Variants in WWP1 observed in about 807,000 individuals in gnomAD.
The protein encoded by WWP1 is NEDD4-like E3 ubiquitin-protein ligase WWP1.
Under a neutral mutation model 130.6 loss-of-function variants are expected in WWP1, and 49 were observed. That is an observed-to-expected ratio of 0.38 (90% CI 0.30 to 0.48). WWP1 has a LOEUF of 0.48. Ranked by LOEUF, WWP1 falls within the 20% of genes least tolerant of loss-of-function variation. The pLI, the probability that WWP1 is intolerant of heterozygous loss-of-function variation, is 0.99. For synonymous variants in WWP1, 332 were observed against 367.8 expected (o/e 0.90, Z 1.11); for missense variants, 809 against 1,100.6 (o/e 0.74, Z 3.75).
chr8:86,419,143 G>A (rs1260840855), intron 9 of WWP1, among the ~76,000 whole-genome samples: 5 of 152,170 alleles, frequency 3.3e-5, no homozygotes, highest in Non-Finnish European at 5.9e-5. Flanking sequence ...ACTAGGGCTG[G>A]GCGCGGTGGC....
rs755525898 is a variant in WWP1, at chr8:86,374,012, T to C, written c.-21-18T>C. 6.4e-7 allele frequency: 1 copy of C among 1,561,338 alleles called. No homozygotes were observed. On this transcript the variant is annotated intron_variant, in intron 2 of 24. Transcript: ENST00000517970. ...ACTCTTATCTAACACATGAATAAATTCCCCTTTTTTAAAATAGGTTTTAGC... is the reference window on the plus strand; with the variant it reads ...ACTCTTATCTAACACATGAATAAATCCCCCTTTTTTAAAATAGGTTTTAGC...
intron 5 of WWP1, among the ~76,000 whole-genome samples, chr8:86,391,297 T>C (rs957650657): frequency 6.6e-6 from 1 of 152,238 alleles, no homozygotes; most frequent in African/African-American, 2.4e-5. Flanking sequence ...TGTCTCAGAA[T>C]GTTTGTGGAT....
intron 22 of WWP1, among the ~76,000 whole-genome samples, chr8:86,458,749 C>A (rs7461413): frequency 6.6e-6 from 1 of 151,866 alleles, no homozygotes; most frequent in African/African-American, 2.4e-5. Flanking sequence ...AGTACACTTT[C>A]CAAAAGTTGC....
In WWP1 at chr8:86,411,797, A is replaced by C; in HGVS notation, c.984A>C (p.Lys328Asn). The part of the protein sequence containing the change: ...SRSSSAFEAA[K>N]SRQPDGCMDP... Reference sequence around the variant, plus strand: ...GTAGTTCTGCTTTTGAAGCAGCCAAATCAAGACAGCCAGATGGGTGTATGG... The same window carrying C: ...GTAGTTCTGCTTTTGAAGCAGCCAACTCAAGACAGCCAGATGGGTGTATGG... The change falls in exon 9 of 25, where the codon AAA becomes AAC. Residue 328 changes from lysine (K) to asparagine (N), a missense_variant. Physicochemically the swap from Lys to Asn is moderately conservative, Grantham distance 94. Transcript: ENST00000517970. 6.2e-7 allele frequency: 1 copy of C among 1,614,160 alleles called. No homozygotes were observed. The highest frequency in any genetic ancestry group is 8.5e-7 in the Non-Finnish European group (1 of 1,180,032).
At chr8:86,362,039 T>TATACACAC (rs1823654580) in intron 1 of WWP1, among the ~76,000 whole-genome samples, 1 of 125,480 alleles carries the variant, frequency 8.0e-6, no homozygotes, top group African/African-American at 3.2e-5. Flanking sequence ...TACACACACA[T>TATACACAC]ATATATACAC....
At chr8:86,466,619 A>G (rs1210599845) in intron 24 of WWP1, among the ~76,000 whole-genome samples, 175 bp from the exon 25 acceptor site, 1 of 152,102 alleles carries the variant, frequency 6.6e-6, no homozygotes, top group East Asian at 1.9e-4. Context: ...GGAGATGTTA[A>G]AATAGTTTTT....
chr8:86,411,406 T>C, intron 8 of WWP1, 132 bp from the exon 9 acceptor site: 2 of 680,936 alleles, frequency 2.9e-6, no homozygotes, highest in Non-Finnish European at 4.7e-6. Context: ...AATATTACTT[T>C]GTCTGCTGTT....
chr8:86,429,430 T>C (rs1809814915), intron 11 of WWP1, among the ~76,000 whole-genome samples: 1 of 152,196 alleles, frequency 6.6e-6, no homozygotes, highest in Admixed American at 6.5e-5. Flanking sequence ...TACAAGATTA[T>C]ATTCATCAAG....
chr8:86,446,971 G>T (rs117073018), intron 18 of WWP1, among the ~76,000 whole-genome samples: 60 of 152,284 alleles, frequency 3.9e-4, no homozygotes, highest in South Asian at 8.3e-4. Flanking sequence ...GAAATAGGAA[G>T]TAAGATCATC....
At chr8:86,456,391 C>T (rs1373793024) in intron 21 of WWP1, among the ~76,000 whole-genome samples, 3 of 151,812 alleles carry the variant, frequency 2.0e-5, no homozygotes, top group Admixed American at 6.6e-5. Context: ...AAAAAACTCA[C>T]GTAACTCAAT....
At chr8:86,366,723 C>A (rs532285875) in intron 1 of WWP1, among the ~76,000 whole-genome samples, 41 of 152,084 alleles carry the variant, frequency 2.7e-4, no homozygotes, top group Non-Finnish European at 4.0e-4. Flanking sequence ...CTAGGATTAT[C>A]AAAAATCCCA....
intron 8 of WWP1, among the ~76,000 whole-genome samples, chr8:86,403,640 G>C (rs559815459): frequency 6.6e-6 from 1 of 151,990 alleles, no homozygotes; most frequent in Non-Finnish European, 1.5e-5. Flanking sequence ...TTGGTGTTTG[G>C]GGAGATGTTT....
chr8:86,379,612 T>C (rs1824867185), intron 3 of WWP1, among the ~76,000 whole-genome samples: 1 of 152,192 alleles, frequency 6.6e-6, no homozygotes, highest in African/African-American at 2.4e-5. Flanking sequence ...TAGTCCCTGA[T>C]TTCTTCATAT....
chr8:86,468,501 C>T lies in WWP1; in HGVS notation c.*1608C>T, dbSNP rs72690412. ...GGAAACTGGCCTTCAAAAAGGACTG[C>T]GTATACCATAAAAGAGTTAAGTATT... On this transcript the variant is annotated 3_prime_UTR_variant, in exon 25 of 25. Transcript: ENST00000517970. 0.06 allele frequency: 25,316 copies of T among 420,848 alleles called. 1,074 individuals carry two copies. The highest frequency in any genetic ancestry group is 0.088 in the Non-Finnish European group (18,791 of 214,426). The allele number at this position is 420,848 out of a possible 1,614,324, so 26.1% of individuals were successfully genotyped here. A position where few individuals can be genotyped will look rare whatever the true frequency, so the allele number is the denominator to read the frequency against.
chr8:86,411,262 T>A (rs568809234), intron 8 of WWP1, among the ~76,000 whole-genome samples: 187 of 152,336 alleles, frequency 1.2e-3, no homozygotes, highest in Middle Eastern at 0.01. Flanking sequence ...ACTGGTTATC[T>A]TAATGCTGGT....
intron 3 of WWP1, among the ~76,000 whole-genome samples, chr8:86,377,913 G>A (rs1048226046): frequency 6.6e-6 from 1 of 151,986 alleles, no homozygotes; most frequent in African/African-American, 2.4e-5. Flanking sequence ...ATTTTTGTAT[G>A]AGTGGTGTGA....
intron 8 of WWP1, among the ~76,000 whole-genome samples, chr8:86,404,801 G>C (rs1214235303): frequency 6.6e-6 from 1 of 152,208 alleles, no homozygotes; most frequent in Non-Finnish European, 1.5e-5. Context: ...CTAGGAAGTA[G>C]AAGAACTGTA....
At chr8:86,451,906 T>G (rs1811196878) in intron 20 of WWP1, among the ~76,000 whole-genome samples, 1 of 152,244 alleles carries the variant, frequency 6.6e-6, no homozygotes. Context: ...GCTTTATATA[T>G]GTCTCTTCAG....
intron 5 of WWP1, among the ~76,000 whole-genome samples, chr8:86,396,853 C>A (rs1807705775): frequency 6.6e-6 from 1 of 152,122 alleles, no homozygotes; most frequent in African/African-American, 2.4e-5. Flanking sequence ...GCCTGCCTCA[C>A]CTCCCAAAAT....
Sources: gnomAD v4.1 joint callset for allele counts (sites outside exome capture counted in the v4.1 genomes callset) on GRCh38, gnomAD v4.1.1 for gene constraint, MANE v1.5 for transcripts, NCBI Gene and HGNC (gene_info 2026-07-23, HGNC 2026-07-21) for gene names.